Variants in ZBTB17 observed in about 807,000 individuals in gnomAD.
ZBTB17 encodes the protein zinc finger and BTB domain-containing protein 17.
In ZBTB17, 24 loss-of-function variants were observed where a neutral mutation model predicts 85.1. The observed-to-expected ratio is 0.28, with a 90% CI of 0.20 to 0.40. The LOEUF is 0.40. ZBTB17 is among the 10% of genes least tolerant of loss of function. ZBTB17 has a pLI of 1.00. For synonymous variants in ZBTB17, 464 were observed against 460.2 expected (o/e 1.01, Z -0.11); for missense variants, 743 against 1,105.1 (o/e 0.67, Z 4.65).
At chr1:15,969,562 A>C (rs2072566184) in intron 2 of ZBTB17, 1 of 373,052 alleles carries the variant, frequency 2.7e-6, no homozygotes, top group African/African-American at 2.1e-5. Flanking sequence ...GAGGCCGCTC[A>C]TGGGGTGGGA....
chr1:15,969,734 G>A (rs557416364), intron 2 of ZBTB17: 8 of 487,064 alleles, frequency 1.6e-5, no homozygotes, highest in South Asian at 1.2e-4. Flanking sequence ...GAGTCTGTGG[G>A]AGCACTCACT....
At chr1:15,945,641 C>A in intron 6 of ZBTB17, 74 bp downstream of exon 6, 1 of 1,574,656 alleles carries the variant, frequency 6.4e-7, no homozygotes. Flanking sequence ...GAGAGGGAGG[C>A]CCCAGTGCGC....
Position 15,944,401 on chromosome 1 carries a change from C to A in ZBTB17, c.1270G>T (p.Gly424Cys). 1 of 1,562,750 alleles carries A rather than the reference C, an allele frequency of 6.4e-7. No homozygotes were observed. Among genetic ancestry groups the A allele is most frequent in the Admixed American group, 1.9e-5 (1 of 52,064 alleles). The change falls in exon 9 of 16, where the codon GGC (glycine) becomes TGC (cysteine). Residue 424 changes from glycine (G) to cysteine (C), a missense_variant. By Grantham distance (159) the Gly-to-Cys change is radical. Around this residue, in one of 4 missense-constraint regions of ZBTB17, gnomAD observed 321 missense variants for 615.7 expected, o/e 0.52. Transcript: ENST00000375743. The stretch of plus-strand genomic sequence containing the variant: ...GAAGTGGGGTCGGAGAAGGAGCGGC[C>A]GCAGTAGTCGCACTGGTAGGGCTTC... ...GEKPYQCDYC[G>C]RSFSDPTSKM...
chr1:15,955,147 C>T (rs2072001378), intron 2 of ZBTB17, among the ~76,000 whole-genome samples: 1 of 152,202 alleles, frequency 6.6e-6, no homozygotes, highest in Admixed American at 6.5e-5. Context: ...GAGTGAGACT[C>T]TGTCTCCAAA....
intron 3 of ZBTB17, 49 bp from the exon 4 acceptor site, chr1:15,947,172 C>A: frequency 1.3e-6 from 2 of 1,544,798 alleles, no homozygotes; most frequent in East Asian, 4.7e-5. Context: ...GATCCGGCAC[C>A]GGCAGCCTGC....
At position 15,966,574 on chromosome 1, in the gene ZBTB17, T is replaced by C. The variant is rs902739709; in HGVS notation, c.-3+6465A>G. On this transcript the variant is annotated intron_variant, in intron 2 of 15. Transcript: ENST00000375743. The surrounding 1 kb of genome is among the most constrained non-coding windows in gnomAD (Gnocchi z 4.1). ...AGCCCTACGAACCATCTCTCTTCAATTCATAACAAGCACGTTTGAATCCAA... is the reference window on the plus strand; with the variant it reads ...AGCCCTACGAACCATCTCTCTTCAACTCATAACAAGCACGTTTGAATCCAA... 2.6e-5 allele frequency among the ~76,000 whole-genome samples: 4 copies of C among 152,186 alleles called. No homozygotes were observed. Among genetic ancestry groups the C allele is most frequent in the Non-Finnish European group, 4.4e-5 (3 of 68,034 alleles).
rs958919202 is a variant in ZBTB17 at position 15,946,252 on chromosome 1, G to A, written c.437C>T (p.Thr146Met). Residue 146 changes from threonine to methionine, a missense_variant, in exon 5 of 16, where the codon ACG (threonine) becomes ATG (methionine). By Grantham distance (81) the Thr-to-Met change is moderately conservative. Around this residue, in one of 4 missense-constraint regions of ZBTB17, gnomAD observed 279 missense variants for 269.9 expected, o/e 1.03. Transcript: ENST00000375743. ...TCCTGCCTGCTCCAGCCTGCTCAGCGTGCTGGTGGCCACCTTCTCCTCTTT... is the reference window on the plus strand; with the variant it reads ...TCCTGCCTGCTCCAGCCTGCTCAGCATGCTGGTGGCCACCTTCTCCTCTTT... The part of the protein sequence containing the change: ...RAKEEKVATS[T>M]LSRLEQAGRS... The A allele has an allele frequency of 3.7e-6, 6 of 1,613,826 alleles. No homozygotes were observed. The highest frequency in any genetic ancestry group is 2.2e-5 in the South Asian group (2 of 91,094).
chr1:15,941,958 G>A lies in ZBTB17; in HGVS notation c.*11C>T. On this transcript the variant is annotated 3_prime_UTR_variant, in exon 16 of 16. Transcript: ENST00000375743. ...TCCATCCTTAAATAAACAGTCAGAA[G>A]GGCCGCCAGCTCACTCGGCAGGCGG... 1.9e-6 allele frequency: 3 copies of A among 1,586,968 alleles called. 1 individual carries two copies. The South Asian group carries it at 3.3e-5, about 18-fold the overall frequency.
rs1040007682 is a variant in ZBTB17 at position 15,973,698 on chromosome 1, C to T, written c.-89-573G>A. ...TCAAAAACTGGGGTGATCCTGACTC[C>T]TCCCTGCCCCTAACTCTCATCAAAC... On this transcript the variant is annotated intron_variant, in intron 1 of 15. Coordinates refer to ENST00000375743, the MANE Select transcript of ZBTB17 (RefSeq NM_003443.3). The surrounding 1 kb of genome is among the most constrained non-coding windows in gnomAD (Gnocchi z 4.1). Among the ~76,000 whole-genome samples the T allele has an allele frequency of 3.9e-5, 6 of 152,218 alleles. No homozygotes were observed. Among genetic ancestry groups the T allele is most frequent in the Admixed American group, 2.6e-4 (4 of 15,286 alleles).
rs1182026340 is a variant in ZBTB17 at position 15,951,315 on chromosome 1, G to GGAAA, written c.-2-2819_-2-2818insTTTC. Among the ~76,000 whole-genome samples, 144 of 150,720 alleles carry GGAAA rather than the reference G, an allele frequency of 9.6e-4. No individual in the cohort carries two copies. The highest frequency in any genetic ancestry group is 3.5e-3 in the African/African-American group (142 of 40,390). The stretch of plus-strand genomic sequence containing the variant: ...GAAAGGAGAGAGAAGAAGGAAGGAA[G>GGAAA]GAAGGGAGAGAGGGAGGGAGGGAGG... On this transcript the variant is annotated intron_variant, in intron 2 of 15. Transcript: ENST00000375743. The surrounding 1 kb of genome is among the most constrained non-coding windows in gnomAD (Gnocchi z 4.1).
At chr1:15,959,257 C>T (rs949853135) in intron 2 of ZBTB17, among the ~76,000 whole-genome samples, 2 of 152,056 alleles carry the variant, frequency 1.3e-5, no homozygotes, top group African/African-American at 4.8e-5. Flanking sequence ...AACTATGAGC[C>T]CAGGCTAAGA....
chr1:15,945,285 A>T, intron 6 of ZBTB17, 83 bp from the exon 7 acceptor site: 1 of 1,509,086 alleles, frequency 6.6e-7, no homozygotes, highest in Non-Finnish European at 8.8e-7. Context: ...TGTGGAAGGG[A>T]CAGTAAATGG....
chr1:15,971,350 C>T (rs1488329984), intron 2 of ZBTB17, among the ~76,000 whole-genome samples: 1 of 133,044 alleles, frequency 7.5e-6, no homozygotes, highest in African/African-American at 2.7e-5. Context: ...TATATATGTA[C>T]ATACACACAC....
chr1:15,960,916 C>T (rs570332729), intron 2 of ZBTB17, among the ~76,000 whole-genome samples: 1 of 152,272 alleles, frequency 6.6e-6, no homozygotes, highest in South Asian at 2.1e-4. Flanking sequence ...ATACATGCTC[C>T]AGCCTGGGCA....
chr1:15,946,001 C>T, intron 5 of ZBTB17, 153 bp downstream of exon 5: 1 of 1,543,310 alleles, frequency 6.5e-7, no homozygotes, highest in Non-Finnish European at 8.8e-7. Flanking sequence ...TTGAAACAGA[C>T]CCCCTGGAAC....
In ZBTB17 at chr1:15,946,120, G is replaced by A. The variant is rs756007764; in HGVS notation, c.535+34C>T. The A allele has an allele frequency of 1.9e-6, 3 of 1,601,646 alleles. No homozygotes were observed. The South Asian group carries it at 3.3e-5, about 18-fold the overall frequency. On this transcript the variant is annotated intron_variant, in intron 5 of 15. Coordinates refer to ENST00000375743, the MANE Select transcript of ZBTB17 (RefSeq NM_003443.3). ...GTGCCCAGGCTGCTGGGAGGTGACA[G>A]GACAGCCGGCTGGGTCCTTGGCATC...
chr1:15,946,922 GCCAATAA>G lies in ZBTB17; in HGVS notation c.394+6_394+12del. 1 of 1,600,564 alleles carries G rather than the reference GCCAATAA, an allele frequency of 6.2e-7. No homozygotes were observed. The highest frequency in any genetic ancestry group is 8.6e-7 in the Non-Finnish European group (1 of 1,169,486). On this transcript the variant is annotated splice_donor_region_variant and intron_variant, in intron 4 of 15. Transcript: ENST00000375743. ...TCTGGCCATCTGCTTGGGAGCAGCT[GCCAATAA>G]CCTACCTTCTGTGGCCAAGGCCTCC...
chr1:15,975,171 T>C (rs953597229), intron 1 of ZBTB17, among the ~76,000 whole-genome samples: 3 of 152,180 alleles, frequency 2.0e-5, no homozygotes, highest in African/African-American at 7.2e-5. Flanking sequence ...GTGACAATGG[T>C]GATACAATTA....
At chr1:15,947,448 T>C (rs147283668) in intron 3 of ZBTB17, among the ~76,000 whole-genome samples, 83 of 151,666 alleles carry the variant, frequency 5.5e-4, no homozygotes, top group African/African-American at 1.9e-3. Flanking sequence ...CTGTCCGCCC[T>C]GCATGGAGGA....
Sources: allele counts gnomAD v4.1 joint callset (sites outside exome capture counted in the v4.1 genomes callset), GRCh38; gene constraint gnomAD v4.1.1; regional missense constraint gnomAD v4.1.1; non-coding constraint Gnocchi (gnomAD v3.1); transcripts MANE v1.5; gene names NCBI Gene and HGNC (gene_info 2026-07-23, HGNC 2026-07-21).